OTUD7A: variants seen among roughly 807,000 people sequenced by gnomAD.
OTUD7A encodes OTU deubiquitinase 7A.
In OTUD7A, 12 loss-of-function variants were observed where a neutral mutation model predicts 65.7. The ratio of observed to expected loss-of-function variants is 0.18; its 90% CI spans 0.12 to 0.30. The LOEUF is 0.30. OTUD7A is among the 10% of genes least tolerant of loss of function. The pLI is 1.00. For missense variants in OTUD7A, 1,148 were observed against 1,304.8 expected (o/e 0.88, Z 1.85); for synonymous variants, 641 against 586.3 (o/e 1.09, Z -1.35).
intron 10 of OTUD7A, among the ~76,000 whole-genome samples, chr15:31,492,213 A>G (rs992635417): frequency 2.0e-5 from 3 of 152,200 alleles, no homozygotes; most frequent in Admixed American, 1.3e-4. Context: ...AATGGGAGGG[A>G]GGGATTGGTA....
intron 3 of OTUD7A, among the ~76,000 whole-genome samples, chr15:31,619,114 G>C (rs1353727080): frequency 6.6e-6 from 1 of 152,128 alleles, no homozygotes; most frequent in Non-Finnish European, 1.5e-5. Context: ...TGAGGGCTCT[G>C]TTCTGCTCCA....
At chr15:31,666,642 CTGATCT>C (rs1892328789) in intron 1 of OTUD7A, among the ~76,000 whole-genome samples, 1 of 152,052 alleles carries the variant, frequency 6.6e-6, no homozygotes, top group South Asian at 2.1e-4. Flanking sequence ...TAGTTCTGCT[CTGATCT>C]TGGTTATTTC....
chr15:31,799,969 T>C (rs571795532), intron 1 of OTUD7A, among the ~76,000 whole-genome samples: 3 of 152,278 alleles, frequency 2.0e-5, no homozygotes, highest in Admixed American at 6.5e-5. Context: ...CCACACATTA[T>C]GCTCTAATCA....
At chr15:31,755,397 A>C (rs1894783318) in intron 1 of OTUD7A, among the ~76,000 whole-genome samples, 1 of 152,122 alleles carries the variant, frequency 6.6e-6, no homozygotes, top group Non-Finnish European at 1.5e-5. Flanking sequence ...TCATGTAAGG[A>C]AAACCTAAAC....
intron 1 of OTUD7A, among the ~76,000 whole-genome samples, chr15:31,833,896 C>G (rs1456928381): frequency 1.3e-5 from 2 of 152,160 alleles, no homozygotes; most frequent in Non-Finnish European, 2.9e-5. Flanking sequence ...AGAAGATGGC[C>G]CTGGAGGCCC....
intron 1 of OTUD7A, among the ~76,000 whole-genome samples, chr15:31,781,364 C>T (rs12594716): frequency 0.072 from 10,998 of 152,208 alleles, 638 homozygotes; most frequent in East Asian, 0.3. Flanking sequence ...GTCATCCAGA[C>T]CCAGCTCCAG....
intron 1 of OTUD7A, among the ~76,000 whole-genome samples, chr15:31,743,443 C>T (rs532367842): frequency 1.3e-5 from 2 of 152,064 alleles, no homozygotes; most frequent in East Asian, 3.9e-4. Context: ...GGTAATGCAG[C>T]TAAACTGTGC....
At chr15:31,543,363 A>T (rs1475446493) in intron 5 of OTUD7A, among the ~76,000 whole-genome samples, 1 of 151,948 alleles carries the variant, frequency 6.6e-6, no homozygotes, top group Non-Finnish European at 1.5e-5. Flanking sequence ...ATTTAAAAGA[A>T]GATGTGTAAG....
At chr15:31,609,526 G>A (rs766871121) in intron 3 of OTUD7A, among the ~76,000 whole-genome samples, 21 of 152,024 alleles carry the variant, frequency 1.4e-4, no homozygotes, top group Non-Finnish European at 2.5e-4. Context: ...CATTGACCTG[G>A]GAACCTCACC....
intron 1 of OTUD7A, among the ~76,000 whole-genome samples, chr15:31,740,260 C>G (rs960460095): frequency 6.6e-6 from 1 of 152,138 alleles, no homozygotes; most frequent in Non-Finnish European, 1.5e-5. Context: ...GTGCCTGGAG[C>G]AGAGGTGGGG....
At chr15:31,505,118 G>A (rs2041539757) in intron 8 of OTUD7A, among the ~76,000 whole-genome samples, 1 of 152,074 alleles carries the variant, frequency 6.6e-6, no homozygotes, top group African/African-American at 2.4e-5. Context: ...AAGGAGATAA[G>A]GTTATTTATA....
At chr15:31,684,341 C>G (rs1370084277) in intron 1 of OTUD7A, among the ~76,000 whole-genome samples, 1 of 152,086 alleles carries the variant, frequency 6.6e-6, no homozygotes, top group Non-Finnish European at 1.5e-5. Context: ...TATCCAAGAA[C>G]AATCAACACT....
In OTUD7A at chr15:31,586,663, C is replaced by A. The variant is rs990064196; in HGVS notation, c.152-16466G>T. ...AGTTAAAAACAACACGATTGGCCCA[C>A]TCTCCTCATTTTCCTCTCATTCCCC... On this transcript the variant is annotated intron_variant, in intron 3 of 12. Coordinates refer to ENST00000307050, the MANE Select transcript of OTUD7A (RefSeq NM_001382637.1). 5.3e-5 allele frequency among the ~76,000 whole-genome samples: 8 copies of A among 152,126 alleles called. No homozygotes were observed. In the East Asian group the frequency reaches 1.3e-3, roughly 26 times the overall value.
intron 1 of OTUD7A, among the ~76,000 whole-genome samples, chr15:31,856,317 G>A (rs947304657): frequency 6.6e-6 from 1 of 152,164 alleles, no homozygotes; most frequent in Non-Finnish European, 1.5e-5. Flanking sequence ...TCCTGGGAAA[G>A]GCATGGGGAT....
intron 10 of OTUD7A, among the ~76,000 whole-genome samples, chr15:31,500,388 C>A (rs16956801): frequency 0.14 from 21,420 of 152,318 alleles, 1,560 homozygotes; most frequent in Admixed American, 0.2. Context: ...CTCCAGTCGT[C>A]TCTCTTCCTG....
At chr15:31,602,326 T>C (rs1030674719) in intron 3 of OTUD7A, among the ~76,000 whole-genome samples, 7 of 152,064 alleles carry the variant, frequency 4.6e-5, no homozygotes, top group African/African-American at 1.7e-4. Flanking sequence ...ATGTAATGCA[T>C]CACATAAACA....
chr15:31,602,265 T>A (rs548582073), intron 3 of OTUD7A, among the ~76,000 whole-genome samples: 1 of 152,282 alleles, frequency 6.6e-6, no homozygotes, highest in South Asian at 2.1e-4. Context: ...CATGATCAAG[T>A]GGGCTTCATC....
At chr15:31,510,441 T>C (rs535106966) in intron 8 of OTUD7A, among the ~76,000 whole-genome samples, 34 of 150,186 alleles carry the variant, frequency 2.3e-4, no homozygotes, top group Non-Finnish European at 3.4e-4. Flanking sequence ...CTTTTTTTTT[T>C]CCCCCAAGAA....
chr15:31,545,026 T>G (rs1403406584), intron 5 of OTUD7A, among the ~76,000 whole-genome samples: 1 of 151,996 alleles, frequency 6.6e-6, no homozygotes, highest in Non-Finnish European at 1.5e-5. Context: ...GCAACATATT[T>G]CTAAGTAATT....
Sources: gnomAD v4.1 joint callset for allele counts (sites outside exome capture counted in the v4.1 genomes callset) on GRCh38, gnomAD v4.1.1 for gene constraint, MANE v1.5 for transcripts, NCBI Gene and HGNC (gene_info 2026-07-23, HGNC 2026-07-21) for gene names.